DMD: variants seen among roughly 807,000 people sequenced by gnomAD.
The protein encoded by DMD is dystrophin, also known as mutant dystrophin.
A neutral mutation model predicts 330.1 loss-of-function variants in DMD; 63 were observed. The ratio of observed to expected loss-of-function variants is 0.19; its 90% CI spans 0.16 to 0.24. The LOEUF is 0.24. Ranked by LOEUF, DMD falls within the 10% of genes least tolerant of loss-of-function variation. The pLI is 1.00. For missense variants in DMD, 3,344 were observed against 2,684.1 expected (o/e 1.25, Z -5.43); for synonymous variants, 1,223 against 959.8 (o/e 1.27, Z -5.07).
intron 43 of DMD, among the ~76,000 whole-genome samples, chrX:32,257,496 C>A (rs2097304105): frequency 9.0e-6 from 1 of 111,135 alleles, no homozygotes; most frequent in South Asian, 3.8e-4. Flanking sequence ...AGAACAGAGG[C>A]CAGAAAAATA....
intron 60 of DMD, among the ~76,000 whole-genome samples, chrX:31,421,002 G>A (rs1384189005): frequency 8.9e-6 from 1 of 111,933 alleles, no homozygotes; most frequent in Non-Finnish European, 1.9e-5. Context: ...TGTAATCTCC[G>A]CTGCCACTCC....
chrX:31,512,571 G>A (rs1163969018), intron 55 of DMD, among the ~76,000 whole-genome samples: 1 of 106,131 alleles, frequency 9.4e-6, no homozygotes, highest in East Asian at 3.0e-4. Flanking sequence ...AGTTTTCCCA[G>A]CACCATTTAT....
chrX:33,269,444 AG>A (rs2053112955), intron 1 of DMD, among the ~76,000 whole-genome samples: 1 of 110,687 alleles, frequency 9.0e-6, no homozygotes, highest in African/African-American at 3.3e-5. Context: ...TAGAGTGGGG[AG>A]GGACCGGCGG....
intron 60 of DMD, among the ~76,000 whole-genome samples, chrX:31,437,378 T>C (rs1305740619): frequency 1.8e-5 from 2 of 111,752 alleles, no homozygotes; most frequent in African/African-American, 3.3e-5. Flanking sequence ...TGGTTACAAA[T>C]AGACAGCATC....
chrX:31,222,888 C>T (rs1282019438), intron 64 of DMD, among the ~76,000 whole-genome samples, 159 bp downstream of exon 64: 1 of 111,976 alleles, frequency 8.9e-6, no homozygotes, highest in African/African-American at 3.3e-5. Flanking sequence ...ACATTCTAGG[C>T]AAACTCTAGG....
intron 55 of DMD, among the ~76,000 whole-genome samples, chrX:31,510,695 GAAAC>G (rs2071429259): frequency 9.2e-6 from 1 of 108,786 alleles, no homozygotes; most frequent in Non-Finnish European, 1.9e-5. Context: ...ATTTTTAGTA[GAAAC>G]AGGGTTTCAC....
At chrX:31,840,544 T>C (rs753849666) in intron 48 of DMD, among the ~76,000 whole-genome samples, 352 of 97,163 alleles carry the variant, frequency 3.6e-3, no homozygotes, top group African/African-American at 0.013. Context: ...GCTCTGCAGA[T>C]ACTGCTTTTT....
chrX:32,830,575 T>C (rs1207207805), intron 4 of DMD, among the ~76,000 whole-genome samples: 2 of 110,790 alleles, frequency 1.8e-5, no homozygotes, highest in Non-Finnish European at 3.8e-5. Context: ...TTTTGCACAA[T>C]GAAAACATCT....
At chrX:32,244,667 A>G (rs1273963410) in intron 43 of DMD, among the ~76,000 whole-genome samples, 2 of 93,053 alleles carry the variant, frequency 2.1e-5, no homozygotes, top group African/African-American at 4.1e-5. Flanking sequence ...CTGGTGTGAG[A>G]TGATATCTCA....
chrX:31,761,157 T>C (rs1298765090), intron 51 of DMD, among the ~76,000 whole-genome samples: 1 of 110,788 alleles, frequency 9.0e-6, no homozygotes, highest in East Asian at 2.8e-4. Context: ...AGTGCTGGGA[T>C]TACAGGCGTG....
At chrX:31,496,641 G>T (rs1471930576) in intron 57 of DMD, 147 bp downstream of exon 57, 10 of 653,507 alleles carry the variant, frequency 1.5e-5, no homozygotes, top group Non-Finnish European at 2.3e-5. Context: ...CAGTGTAATG[G>T]CTTAGATTAT....
chrX:31,380,309 G>A lies in DMD; in HGVS notation c.9085-31675C>T, dbSNP rs776588275. Among the ~76,000 whole-genome samples, 303 of 109,969 alleles carry A rather than the reference G, an allele frequency of 2.8e-3. 1 individual carries two copies. The highest frequency in any genetic ancestry group is 5.2e-3 in the Non-Finnish European group (272 of 52,752). On this transcript the variant is annotated intron_variant, in intron 60 of 78. Transcript: ENST00000357033. ...GATCTGCTTCCCTGACTATTCCTAG[G>A]CTAGAGCCACACCTCATTGCCGCCT...
At chrX:32,550,944 T>C (rs765787834) in intron 16 of DMD, among the ~76,000 whole-genome samples, 41 of 110,513 alleles carry the variant, frequency 3.7e-4, no homozygotes, top group Non-Finnish European at 6.8e-4. Context: ...CAGGAAGAAA[T>C]GGAATCATTG....
intron 20 of DMD, among the ~76,000 whole-genome samples, chrX:32,486,010 G>A (rs1198564048): frequency 9.1e-6 from 1 of 109,655 alleles, no homozygotes; most frequent in Non-Finnish European, 1.9e-5. Context: ...CAAAGTGCTG[G>A]GATTACAGGT....
intron 2 of DMD, among the ~76,000 whole-genome samples, chrX:33,010,804 C>T (rs909654472): frequency 9.0e-6 from 1 of 110,749 alleles, no homozygotes; most frequent in Non-Finnish European, 1.9e-5. Context: ...ACATTCTCTA[C>T]TACAGACCTG....
At chrX:33,128,068 G>C in intron 1 of DMD, 7 of 1,177,502 alleles carry the variant, frequency 5.9e-6, no homozygotes, top group Non-Finnish European at 5.7e-6. Context: ...GTCACCTTTA[G>C]GGAAGCCTGC....
At chrX:32,600,531 G>C (rs1428864948) in intron 12 of DMD, among the ~76,000 whole-genome samples, 1 of 99,459 alleles carries the variant, frequency 1.0e-5, no homozygotes. Flanking sequence ...CTACTCCTCC[G>C]ACTTCATTGA....
chrX:32,356,107 C>T (rs1196028700), intron 37 of DMD, among the ~76,000 whole-genome samples: 1 of 110,229 alleles, frequency 9.1e-6, no homozygotes, highest in African/African-American at 3.3e-5. Flanking sequence ...TCCAATACAT[C>T]TTCATTGGAC....
intron 61 of DMD, among the ~76,000 whole-genome samples, chrX:31,340,880 C>G (rs968660092): frequency 3.6e-5 from 4 of 112,054 alleles, no homozygotes; most frequent in Non-Finnish European, 7.5e-5. Context: ...TAACTGTCAA[C>G]AAGACTAATA....
Sources: gnomAD v4.1 joint callset for allele counts (sites outside exome capture counted in the v4.1 genomes callset) on GRCh38, gnomAD v4.1.1 for gene constraint, MANE v1.5 for transcripts, NCBI Gene and HGNC (gene_info 2026-07-23, HGNC 2026-07-21) for gene names.